Variants in DMAP1 observed in about 807,000 individuals in gnomAD.
DMAP1 encodes DNA methyltransferase 1-associated protein 1.
In DMAP1, 26 loss-of-function variants were observed where a neutral mutation model predicts 52.7. That is an observed-to-expected ratio of 0.49 (90% confidence interval 0.36 to 0.68). The LOEUF is 0.68. Ranked by LOEUF, DMAP1 falls within the 30% of genes least tolerant of loss-of-function variation. The pLI, the probability that DMAP1 is intolerant of heterozygous loss-of-function variation, is 0.00. For missense variants in DMAP1, 439 were observed against 625.2 expected (o/e 0.70, Z 3.18); for synonymous variants, 231 against 246.0 (o/e 0.94, Z 0.57).
chr1:44,215,361 TC>T, intron 3 of DMAP1: 1 of 456,216 alleles, frequency 2.2e-6, no homozygotes, highest in South Asian at 1.5e-5. Flanking sequence ...CCTCTGTCAG[TC>T]CCAAATCTGT....
rs1643745464 is a variant in DMAP1, at chr1:44,214,374, A to T, written c.130A>T (p.Thr44Ser). 6.2e-7 allele frequency: 1 copy of T among 1,613,938 alleles called. No homozygotes were observed. The highest frequency in any genetic ancestry group is 1.3e-5 in the African/African-American group (1 of 74,870). ...DKKKSKKSSE[T>S]LTFKRPEGMH... ...GAAAAAATCCAAGAAGTCCTCTGAGACACTGACTTTCAAGAGGCCCGAGGG... is the reference window on the plus strand; with the variant it reads ...GAAAAAATCCAAGAAGTCCTCTGAGTCACTGACTTTCAAGAGGCCCGAGGG... The change falls in exon 2 of 10, where the codon ACA becomes TCA. Residue 44 changes from threonine to serine, a missense_variant. Thr to Ser is a moderately conservative substitution (Grantham distance 58). Coordinates refer to ENST00000372289, the MANE Select transcript of DMAP1 (RefSeq NM_019100.5).
intron 7 of DMAP1, 31 bp downstream of exon 7, chr1:44,219,508 G>A (rs1643866200): frequency 1.3e-5 from 20 of 1,544,866 alleles, no homozygotes; most frequent in Non-Finnish European, 1.7e-5. Context: ...AGCAAGTTTG[G>A]GTCCTGGGCT....
chr1:44,219,103 C>T lies in DMAP1; in HGVS notation c.768C>T (p.Ala256=). 6.2e-7 allele frequency: 1 copy of T among 1,614,116 alleles called. No individual in the cohort carries two copies. Among genetic ancestry groups the T allele is most frequent in the Non-Finnish European group, 8.5e-7 (1 of 1,180,024 alleles). The change falls in exon 6 of 10, where the codon GCC becomes GCT. Residue 256 remains alanine (A), a synonymous_variant. Coordinates refer to ENST00000372289, the MANE Select transcript of DMAP1 (RefSeq NM_019100.5). ...TACAGGAGCTGCGCAAGATTGAGGC[C>T]CGGAAGAAGGAGCGGGAGAAACGCA... is the stretch of plus-strand genomic sequence containing the variant. ...YLLQELRKIE[A]RKKEREKRSQ...
In DMAP1 at chr1:44,218,361, C is replaced by T. The variant is rs367917027; in HGVS notation, c.444C>T (p.His148=). Residue 148 remains histidine (H), a synonymous_variant, in exon 4 of 10, where the codon CAC becomes CAT. Transcript: ENST00000372289. The surrounding 1 kb of genome is among the most constrained non-coding windows in gnomAD (Gnocchi z 5.6). ...AGCAGGAGTACCAGCTTTATCTCCA[C>T]GATGATGCTTGGACTAAGGCAGAAA... is the stretch of plus-strand genomic sequence containing the variant. ...YSEQEYQLYL[H]DDAWTKAETD... is the part of the protein sequence containing the mutation. The T allele has an allele frequency of 4.7e-5, 76 of 1,614,108 alleles. No individual in the cohort carries two copies. Among genetic ancestry groups the T allele is most frequent in the South Asian group, 6.6e-5 (6 of 91,092 alleles).
Position 44,219,245 on chromosome 1 carries a change from C to T in DMAP1, c.906+4C>T, listed in dbSNP as rs200930513. On this transcript the variant is annotated splice_donor_region_variant and intron_variant, in intron 6 of 9. Coordinates refer to ENST00000372289, the MANE Select transcript of DMAP1 (RefSeq NM_019100.5). ...GAAAAAGGAGGCTGAGAAGCCGGTG[C>T]GGAGGTTCCGCCAGCCTAGCTCAGG... The T allele has an allele frequency of 1.1e-4, 171 of 1,611,422 alleles. 1 individual carries two copies. The highest frequency in any genetic ancestry group is 3.4e-4 in the Middle Eastern group (2 of 5,944).
In DMAP1 at chr1:44,214,273, T is replaced by A. The variant is rs1318246600; in HGVS notation, c.106-77T>A. ...ATTGACCCTGTAGGTGCTGCTTTGTTCAGGGATTGAGCTGGACTAAAGAAT... is the reference window on the plus strand; with the variant it reads ...ATTGACCCTGTAGGTGCTGCTTTGTACAGGGATTGAGCTGGACTAAAGAAT... On this transcript the variant is annotated intron_variant, in intron 1 of 9. Transcript: ENST00000372289. 3 of 1,371,262 alleles carry A rather than the reference T, an allele frequency of 2.2e-6. No homozygotes were observed. In the African/African-American group the frequency reaches 4.3e-5, roughly 20 times the overall value. The allele number at this position is 1,371,262 out of a possible 1,614,324, so 84.9% of individuals were successfully genotyped here.
Position 44,218,947 on chromosome 1 carries a change from T to C in DMAP1, c.721-109T>C. ...TCATAGCCCTTCACCTCCCTCATGATCCATTACTTCTCAGATTCCCTCACA... is the reference window on the plus strand; with the variant it reads ...TCATAGCCCTTCACCTCCCTCATGACCCATTACTTCTCAGATTCCCTCACA... On this transcript the variant is annotated intron_variant, in intron 5 of 9. Transcript: ENST00000372289. The surrounding 1 kb of genome is among the most constrained non-coding windows in gnomAD (Gnocchi z 5.6). The C allele has an allele frequency of 6.8e-7, 1 of 1,468,546 alleles. No individual in the cohort carries two copies. The highest frequency in any genetic ancestry group is 1.9e-4 in the Middle Eastern group (1 of 5,376). 91.0% of individuals were successfully genotyped at this position (1,468,546 alleles called of 1,614,324 possible). A position where few individuals can be genotyped will look rare whatever the true frequency, so the allele number is the denominator to read the frequency against.
rs778869171 is a variant in DMAP1 at position 44,218,024 on chromosome 1, G to A, written c.394-287G>A. On this transcript the variant is annotated intron_variant, in intron 3 of 9. Transcript: ENST00000372289. The surrounding 1 kb of genome is among the most constrained non-coding windows in gnomAD (Gnocchi z 5.6). The stretch of plus-strand genomic sequence containing the variant: ...TTGGACTCCACAGAAGCACTTACAT[G>A]TGGGCCCCTCACCTTAACTATGGGG... The A allele has an allele frequency of 5.8e-6, 3 of 513,548 alleles. No individual in the cohort carries two copies. The highest frequency in any genetic ancestry group is 1.1e-5 in the Non-Finnish European group (3 of 281,856). 31.8% of individuals were successfully genotyped at this position (513,548 alleles called of 1,614,324 possible).
At chr1:44,217,945 T>G in intron 3 of DMAP1, 1 of 369,224 alleles carries the variant, frequency 2.7e-6, no homozygotes, top group Non-Finnish European at 5.2e-6. Context: ...GGACTAGGGG[T>G]TGCTGGGCCT....
Position 44,214,841 on chromosome 1 carries a change from C to T in DMAP1, c.336C>T (p.Phe112=). 1 of 1,614,178 alleles carries T rather than the reference C, an allele frequency of 6.2e-7. No homozygotes were observed. The highest frequency in any genetic ancestry group is 8.5e-7 in the Non-Finnish European group (1 of 1,180,024). ...NPARKDGAMF[F]HWRRAAEEGK... The stretch of plus-strand genomic sequence containing the variant: ...CCCGCAAGGACGGAGCAATGTTCTT[C>T]CACTGGCGACGTGCAGCGGAGGAGG... The change falls in exon 3 of 10, where the codon TTC becomes TTT. Residue 112 remains phenylalanine, a synonymous_variant. Transcript: ENST00000372289.
chr1:44,220,622 G>T lies in DMAP1; in HGVS notation c.*4G>T. On this transcript the variant is annotated 3_prime_UTR_variant, in exon 10 of 10. Transcript: ENST00000372289. Reference sequence around the variant, plus strand: ...GAAGAAAGCCAAGAAGCCGTGAGAGGCCCCACGGGGTGTGGGCGACGCTGT... The same window carrying T: ...GAAGAAAGCCAAGAAGCCGTGAGAGTCCCCACGGGGTGTGGGCGACGCTGT... 6.2e-7 allele frequency: 1 copy of T among 1,614,232 alleles called. No homozygotes were observed. The highest frequency in any genetic ancestry group is 8.5e-7 in the Non-Finnish European group (1 of 1,180,032).
rs753543846 is a variant in DMAP1, at chr1:44,218,501, G to A, written c.552+32G>A. 7 of 1,611,774 alleles carry A rather than the reference G, an allele frequency of 4.3e-6. No individual in the cohort carries two copies. The highest frequency in any genetic ancestry group is 4.2e-6 in the Non-Finnish European group (5 of 1,177,970). ...CATTGTGTATTTGCATGGGTGCCCAGCTTCTGGGTCTAGCAGGCCCTACTT... is the reference window on the plus strand; with the variant it reads ...CATTGTGTATTTGCATGGGTGCCCAACTTCTGGGTCTAGCAGGCCCTACTT... On this transcript the variant is annotated intron_variant, in intron 4 of 9. Coordinates refer to ENST00000372289, the MANE Select transcript of DMAP1 (RefSeq NM_019100.5). This position sits in a 1 kb window ranked among gnomAD's most constrained non-coding sequence, Gnocchi z 5.6.
In DMAP1 at chr1:44,213,650, C is replaced by A; in HGVS notation, c.-104C>A. The A allele has an allele frequency of 1.9e-6, 2 of 1,031,122 alleles. No individual in the cohort carries two copies. The highest frequency in any genetic ancestry group is 1.5e-5 in the South Asian group (1 of 65,326). 63.9% of individuals were successfully genotyped at this position (1,031,122 alleles called of 1,614,324 possible). ...CTCCTCTTGGCCCGCCCCTTCAACT[C>A]GCCTCCGCTTAGGTCTGGATTGGCC... On this transcript the variant is annotated 5_prime_UTR_variant, in exon 1 of 10. Coordinates refer to ENST00000372289, the MANE Select transcript of DMAP1 (RefSeq NM_019100.5). The surrounding 1 kb of genome is among the most constrained non-coding windows in gnomAD (Gnocchi z 4.5).
intron 3 of DMAP1, chr1:44,216,422 G>A (rs1643795202): frequency 1.3e-5 from 2 of 152,034 alleles, no homozygotes; most frequent in African/African-American, 4.8e-5. Flanking sequence ...AAGAGACTGG[G>A]TTTCACCATG....
intron 3 of DMAP1, chr1:44,215,766 A>T (rs1248981659): frequency 5.6e-6 from 1 of 177,934 alleles, no homozygotes; most frequent in Non-Finnish European, 1.2e-5. Flanking sequence ...CTTCATCACT[A>T]TGCCAGCCCC....
chr1:44,220,232 G>A lies in DMAP1; in HGVS notation c.1267G>A (p.Val423Met), dbSNP rs775128617. 2 of 1,587,854 alleles carry A rather than the reference G, an allele frequency of 1.3e-6. No homozygotes were observed. Among genetic ancestry groups the A allele is most frequent in the South Asian group, 2.2e-5 (2 of 89,288 alleles). ...GPGPASAEPA[V>M]TEPGLGPDPK... Reference sequence around the variant, plus strand: ...AGGCCCGGCCTCTGCTGAGCCGGCAGTGACTGAACCCGGACTTGGTCCTGA... The same window carrying A: ...AGGCCCGGCCTCTGCTGAGCCGGCAATGACTGAACCCGGACTTGGTCCTGA... Residue 423 changes from valine to methionine, a missense_variant, in exon 9 of 10, where the codon GTG becomes ATG. Around this residue, in one of 3 missense-constraint regions of DMAP1, gnomAD observed 179 missense variants for 285.9 expected, o/e 0.63. Coordinates refer to ENST00000372289, the MANE Select transcript of DMAP1 (RefSeq NM_019100.5).
chr1:44,219,873 G>C lies in DMAP1; in HGVS notation c.1046G>C (p.Gly349Ala). The change falls in exon 8 of 10, where the codon GGT becomes GCT. Residue 349 changes from glycine (G) to alanine (A), a missense_variant. Transcript: ENST00000372289. ...CTGGAACAGATGCTGCTGGAGCTTG[G>C]TGTGGGTGAGTGTGGGGACTGGGCC... The part of the protein sequence containing the change: ...KALEQMLLEL[G>A]VELSPTPTEE... The C allele has an allele frequency of 1.9e-6, 3 of 1,614,212 alleles. No individual in the cohort carries two copies. Among genetic ancestry groups the C allele is most frequent in the Non-Finnish European group, 2.5e-6 (3 of 1,180,036 alleles).
Position 44,218,831 on chromosome 1 carries a change from C to A in DMAP1, c.720+76C>A. ...TTGTCTCCATCCTCCATCCCCTCAA[C>A]TCCCACTCCCAGGTCCCCCTGCCTC... is the stretch of plus-strand genomic sequence containing the variant. On this transcript the variant is annotated intron_variant, in intron 5 of 9. Transcript: ENST00000372289. This position sits in a 1 kb window ranked among gnomAD's most constrained non-coding sequence, Gnocchi z 5.6. 1 of 1,531,816 alleles carries A rather than the reference C, an allele frequency of 6.5e-7. No homozygotes were observed. Among genetic ancestry groups the A allele is most frequent in the Non-Finnish European group, 8.8e-7 (1 of 1,134,346 alleles). The allele number at this position is 1,531,816 out of a possible 1,614,324, so 94.9% of individuals were successfully genotyped here. A position where few individuals can be genotyped will look rare whatever the true frequency, so the allele number is the denominator to read the frequency against.
Position 44,213,943 on chromosome 1 carries a change from C to A in DMAP1, c.105+85C>A. ...AGTGACAACGGGCAAGGGATGGGTG[C>A]TACACTTACAGTGAGTTGGGCGATA... On this transcript the variant is annotated intron_variant, in intron 1 of 9. Transcript: ENST00000372289. The surrounding 1 kb of genome is among the most constrained non-coding windows in gnomAD (Gnocchi z 4.5). The A allele has an allele frequency of 8.1e-7, 1 of 1,238,848 alleles. No individual in the cohort carries two copies. The highest frequency in any genetic ancestry group is 1.2e-6 in the Non-Finnish European group (1 of 869,160). 76.7% of individuals were successfully genotyped at this position (1,238,848 alleles called of 1,614,324 possible). A position where few individuals can be genotyped will look rare whatever the true frequency, so the allele number is the denominator to read the frequency against.
Sources: allele counts gnomAD v4.1 joint callset, GRCh38; gene constraint gnomAD v4.1.1; regional missense constraint gnomAD v4.1.1; non-coding constraint Gnocchi (gnomAD v3.1); transcripts MANE v1.5; gene names NCBI Gene and HGNC (gene_info 2026-07-23, HGNC 2026-07-21).